The following SND1 variants were observed in gnomAD, a reference collection of about 807,000 sequenced individuals.
SND1 encodes staphylococcal nuclease and tudor domain containing 1.
SND1 carries 38 observed loss-of-function variants against 121.7 expected under a neutral mutation model. The observed-to-expected ratio is 0.31, with a 90% CI of 0.24 to 0.41. SND1 has a LOEUF of 0.41. SND1 is among the 10% of genes least tolerant of loss of function. SND1 has a pLI of 1.00. For synonymous variants in SND1, 401 were observed against 447.4 expected (o/e 0.90, Z 1.31); for missense variants, 868 against 1,184.6 (o/e 0.73, Z 3.92).
At chr7:127,960,146 TCACATTAC>T (rs1801696965) in intron 15 of SND1, among the ~76,000 whole-genome samples, 2 of 152,222 alleles carry the variant, frequency 1.3e-5, no homozygotes, top group African/African-American at 4.8e-5. Flanking sequence ...TTTCCCAGGC[TCACATTAC>T]AATATCTAGG....
intron 15 of SND1, among the ~76,000 whole-genome samples, chr7:127,974,105 G>C (rs117687153): frequency 8.5e-5 from 13 of 152,234 alleles, no homozygotes; most frequent in Non-Finnish European, 1.3e-4. Flanking sequence ...TGGCAGGGAA[G>C]AGCTGCCTGA....
intron 18 of SND1, 54 bp from the exon 19 acceptor site, chr7:128,084,670 G>A: frequency 6.5e-7 from 1 of 1,533,796 alleles, no homozygotes; most frequent in Admixed American, 2.0e-5. Context: ...AAACCCTGCT[G>A]AGCCGTCGAG....
At position 127,686,738 on chromosome 7, in the gene SND1, T is replaced by A. The variant is rs776342046; in HGVS notation, c.204T>A (p.Pro68=). Residue 68 remains proline, a synonymous_variant, in exon 2 of 24, where the codon CCT becomes CCA. Transcript: ENST00000354725. ...CTCGCCGGGCAGCCGCCACACAACC[T>A]GATGCAAAGGATACCCCTGATGAGG... ...NLARRAAATQ[P]DAKDTPDEPW... is the part of the protein sequence containing the mutation. 1.2e-6 allele frequency: 2 copies of A among 1,613,922 alleles called. No homozygotes were observed. The highest frequency in any genetic ancestry group is 2.7e-5 in the African/African-American group (2 of 74,934).
intron 10 of SND1, among the ~76,000 whole-genome samples, chr7:127,792,696 G>A (rs959671088): frequency 8.5e-5 from 13 of 152,140 alleles, no homozygotes; most frequent in African/African-American, 2.7e-4. Context: ...CTAGGACTGG[G>A]ACTCCAAGGT....
rs1420904361 is a variant in SND1 at position 128,029,739 on chromosome 7, G to A, written c.1779+38683G>A. On this transcript the variant is annotated intron_variant, in intron 16 of 23. Transcript: ENST00000354725. The surrounding 1 kb of genome is among the most constrained non-coding windows in gnomAD (Gnocchi z 4.2). ...CAGAATGTCACAATCACAGTTCCAA[G>A]GGTTGTGGTGTAGATGCAACTCCAC... 6.2e-7 allele frequency: 1 copy of A among 1,614,026 alleles called. No individual in the cohort carries two copies. The highest frequency in any genetic ancestry group is 8.5e-7 in the Non-Finnish European group (1 of 1,180,050).
intron 11 of SND1, among the ~76,000 whole-genome samples, chr7:127,834,868 T>G (rs997531737): frequency 2.0e-5 from 3 of 152,218 alleles, no homozygotes; most frequent in Non-Finnish European, 4.4e-5. Context: ...ATTTTCCTTG[T>G]CTGAGTGACT....
chr7:128,041,140 A>C (rs1012569550), intron 16 of SND1, among the ~76,000 whole-genome samples: 3 of 152,110 alleles, frequency 2.0e-5, no homozygotes, highest in African/African-American at 7.2e-5. Flanking sequence ...ACTTTACCTT[A>C]AGAGCGGAGG....
chr7:128,028,890 G>A, intron 16 of SND1: 2 of 1,614,040 alleles, frequency 1.2e-6, no homozygotes, highest in Middle Eastern at 1.7e-4. Flanking sequence ...CGGAGCTGCT[G>A]TTGCTGCTGC....
At chr7:127,718,753 G>C (rs1796436299) in intron 9 of SND1, 1 of 985,184 alleles carries the variant, frequency 1.0e-6, no homozygotes, top group Non-Finnish European at 1.2e-6. Context: ...TAATCAGCAG[G>C]TAAAGGTGTG....
chr7:127,655,485 A>G (rs1232661105), intron 1 of SND1, among the ~76,000 whole-genome samples: 1 of 152,260 alleles, frequency 6.6e-6, no homozygotes, highest in Non-Finnish European at 1.5e-5. Flanking sequence ...GTTCTGTTAC[A>G]GAAAAAATCA....
At chr7:128,024,871 C>T (rs1424120125) in intron 16 of SND1, among the ~76,000 whole-genome samples, 2 of 152,070 alleles carry the variant, frequency 1.3e-5, no homozygotes, top group African/African-American at 4.8e-5. Flanking sequence ...ATTGTTGAGC[C>T]GGGTAAGCAA....
At chr7:127,927,359 T>C (rs1800862929) in intron 14 of SND1, among the ~76,000 whole-genome samples, 1 of 152,244 alleles carries the variant, frequency 6.6e-6, no homozygotes, top group Non-Finnish European at 1.5e-5. Context: ...CGATAATCAA[T>C]TTGATAATTG....
intron 10 of SND1, among the ~76,000 whole-genome samples, chr7:127,733,002 A>G (rs1796706475): frequency 6.6e-6 from 1 of 152,190 alleles, no homozygotes. Flanking sequence ...TGCCTATGGA[A>G]GGAATCAGGC....
intron 11 of SND1, among the ~76,000 whole-genome samples, chr7:127,808,041 A>G (rs1054201447): frequency 1.3e-5 from 2 of 151,592 alleles, no homozygotes; most frequent in Admixed American, 6.6e-5. Flanking sequence ...TGTGGCATCA[A>G]TGCTCCCTCT....
intron 12 of SND1, among the ~76,000 whole-genome samples, chr7:127,851,616 A>T (rs1380222440): frequency 6.6e-6 from 1 of 152,174 alleles, no homozygotes; most frequent in Non-Finnish European, 1.5e-5. Context: ...TATTAGTGGA[A>T]TGCTTGGTAT....
At chr7:127,731,217 C>T (rs1263452497) in intron 10 of SND1, among the ~76,000 whole-genome samples, 4 of 152,228 alleles carry the variant, frequency 2.6e-5, no homozygotes, top group African/African-American at 7.2e-5. Context: ...TACTTCATAC[C>T]GCAGCTGCTG....
chr7:128,031,837 G>A (rs1250715118), intron 16 of SND1, among the ~76,000 whole-genome samples: 3 of 149,938 alleles, frequency 2.0e-5, no homozygotes, highest in African/African-American at 7.3e-5. Context: ...TGTGCGGAGG[G>A]AGCGAGTTCG....
chr7:127,820,020 G>A (rs1020078546), intron 11 of SND1, among the ~76,000 whole-genome samples: 2 of 152,096 alleles, frequency 1.3e-5, no homozygotes, highest in Non-Finnish European at 2.9e-5. Context: ...CATTATGCCC[G>A]CCTTCTCCCA....
chr7:127,703,536 A>C (rs575737361), intron 7 of SND1, among the ~76,000 whole-genome samples: 267 of 152,252 alleles, frequency 1.8e-3, no homozygotes, highest in African/African-American at 6.1e-3. Flanking sequence ...ACATGGTGAA[A>C]CCCTGTTTCT....
Sources: gnomAD v4.1 joint callset for allele counts (sites outside exome capture counted in the v4.1 genomes callset) on GRCh38, gnomAD v4.1.1 for gene constraint, Gnocchi (gnomAD v3.1) non-coding constraint, MANE v1.5 for transcripts, NCBI Gene and HGNC (gene_info 2026-07-23, HGNC 2026-07-21) for gene names.